FAM120A: variants seen among roughly 807,000 people sequenced by gnomAD.
The protein encoded by FAM120A is family with sequence similarity 120 member A.
In FAM120A, 15 loss-of-function variants were observed where a neutral mutation model predicts 109.7. The ratio of observed to expected loss-of-function variants is 0.14; its 90% confidence interval spans 0.09 to 0.21. The LOEUF (loss-of-function observed/expected upper bound fraction) is 0.21. Ranked by LOEUF, FAM120A falls within the 10% of genes least tolerant of loss-of-function variation. The pLI, the probability that FAM120A is intolerant of heterozygous loss-of-function variation, is 1.00. For missense variants in FAM120A, 899 were observed against 1,439.3 expected, an observed-to-expected ratio of 0.62 and a Z score of 6.07; for synonymous variants, 493 against 572.8, an observed-to-expected ratio of 0.86 and a Z score of 1.99.
chr9:93,543,218 G>A lies in FAM120A; in HGVS notation c.1910-4G>A, dbSNP rs973272691. 21 of 1,606,920 alleles carry A rather than the reference G, an allele frequency of 1.3e-5. No individual in the cohort carries two copies. Among genetic ancestry groups the A allele is most frequent in the Non-Finnish European group, 1.4e-5 (17 of 1,176,704 alleles). On this transcript the variant is annotated splice_region_variant and splice_polypyrimidine_tract_variant and intron_variant, in intron 10 of 17. Coordinates refer to ENST00000277165, the MANE Select transcript of FAM120A (RefSeq NM_014612.5). ...GTGTCTTCTCTGGCTTTTTTTTCCT[G>A]TAGTTTCACCAGTGATCATTAAAGA... is the stretch of plus-strand genomic sequence containing the variant.
chr9:93,551,077 T>C (rs1341401129), intron 12 of FAM120A, among the ~76,000 whole-genome samples: 3 of 152,212 alleles, frequency 2.0e-5, no homozygotes, highest in Non-Finnish European at 4.4e-5. Context: ...AGGATTCTTT[T>C]TCTTATTTCA....
At chr9:93,519,763 C>G (rs1009265314) in intron 7 of FAM120A, among the ~76,000 whole-genome samples, 15 of 152,044 alleles carry the variant, frequency 9.9e-5, no homozygotes, top group Admixed American at 4.6e-4. Context: ...ATCAGTGGCA[C>G]TCTTTTAAAG....
chr9:93,452,578 C>G lies in FAM120A; in HGVS notation c.474+189C>G, dbSNP rs773193469. On this transcript the variant is annotated intron_variant, in intron 1 of 17. Coordinates refer to ENST00000277165, the MANE Select transcript of FAM120A (RefSeq NM_014612.5). This position sits in a 1 kb window ranked among gnomAD's most constrained non-coding sequence, Gnocchi z 7.0. The stretch of plus-strand genomic sequence containing the variant: ...GCCGCGGGTGCAGGCCGCGCGCTGC[C>G]CAAGCCCGTCTCCAGCTGTCCCTGT... The G allele has an allele frequency of 5.5e-5, 88 of 1,595,632 alleles. No homozygotes were observed. The highest frequency in any genetic ancestry group is 7.0e-5 in the Non-Finnish European group (82 of 1,178,132).
chr9:93,477,057 A>G (rs1459311300), intron 3 of FAM120A, among the ~76,000 whole-genome samples: 2 of 152,156 alleles, frequency 1.3e-5, no homozygotes, highest in East Asian at 1.9e-4. Flanking sequence ...GACTTGGGGA[A>G]TTAGGAAGAT....
intron 13 of FAM120A, among the ~76,000 whole-genome samples, chr9:93,557,356 C>G (rs552906820): frequency 1.3e-5 from 2 of 152,248 alleles, no homozygotes; most frequent in African/African-American, 4.8e-5. Context: ...TCTTGAACTC[C>G]TGACCTCAAG....
At chr9:93,479,590 A>G (rs970731338) in intron 3 of FAM120A, among the ~76,000 whole-genome samples, 8 of 152,192 alleles carry the variant, frequency 5.3e-5, no homozygotes, top group Non-Finnish European at 1.2e-4. Context: ...AAATCATGAG[A>G]AAATTTCATC....
At chr9:93,485,584 T>C (rs1201272734) in intron 3 of FAM120A, among the ~76,000 whole-genome samples, 5 of 151,936 alleles carry the variant, frequency 3.3e-5, no homozygotes, top group Non-Finnish European at 1.5e-5. Flanking sequence ...TGCGACAGAG[T>C]AAGACCCTAT....
chr9:93,503,784 G>A (rs1401348678), intron 5 of FAM120A, among the ~76,000 whole-genome samples: 1 of 151,966 alleles, frequency 6.6e-6, no homozygotes, highest in Admixed American at 6.6e-5. Flanking sequence ...ACACCAATGC[G>A]AAGTGTGTAC....
intron 7 of FAM120A, among the ~76,000 whole-genome samples, chr9:93,525,398 T>C (rs112303866): frequency 3.3e-3 from 499 of 152,202 alleles, no homozygotes; most frequent in Non-Finnish European, 4.6e-3. Flanking sequence ...CCTCTTACCC[T>C]CCAAGAGCCC....
At chr9:93,535,043 G>T (rs1861464938) in intron 10 of FAM120A, among the ~76,000 whole-genome samples, 1 of 152,182 alleles carries the variant, frequency 6.6e-6, no homozygotes, top group African/African-American at 2.4e-5. Context: ...ATTTTAAAAG[G>T]ATTTCATAAA....
At chr9:93,460,146 G>A (rs1394706606) in intron 1 of FAM120A, among the ~76,000 whole-genome samples, 1 of 152,100 alleles carries the variant, frequency 6.6e-6, no homozygotes, top group Non-Finnish European at 1.5e-5. Flanking sequence ...ACCTTAATAA[G>A]CACTACACCA....
chr9:93,519,259 G>T (rs1433316641), intron 7 of FAM120A, among the ~76,000 whole-genome samples: 1 of 152,030 alleles, frequency 6.6e-6, no homozygotes, highest in African/African-American at 2.4e-5. Flanking sequence ...AAATTTTTTT[G>T]AGATGGAATT....
Position 93,564,540 on chromosome 9 carries a change from A to C in FAM120A, c.3357A>C (p.Ter1119TyrextTer5). ...LEAAVLNKEE* is the reference protein window; with the variant it reads ...LEAAVLNKEEY ...CAGCTGTCTTAAATAAAGAAGAGTA[A>C]ACTTATTTTTTATAGAGGGTGAAGG... is the stretch of plus-strand genomic sequence containing the variant. The change falls in exon 18 of 18, where the codon TAA (stop) becomes TAC (tyrosine). Residue 1119 changes from the stop codon to tyrosine (Y), a stop_lost. Coordinates refer to ENST00000277165, the MANE Select transcript of FAM120A (RefSeq NM_014612.5). 6.2e-7 allele frequency: 1 copy of C among 1,601,126 alleles called. No individual in the cohort carries two copies. Among genetic ancestry groups the C allele is most frequent in the Non-Finnish European group, 8.5e-7 (1 of 1,171,254 alleles).
chr9:93,520,992 T>C (rs760058554), intron 7 of FAM120A, among the ~76,000 whole-genome samples: 1 of 152,272 alleles, frequency 6.6e-6, no homozygotes, highest in African/African-American at 2.4e-5. Flanking sequence ...GTCTTTGTAC[T>C]GTACAGTTCT....
At chr9:93,521,802 T>C (rs1416454642) in intron 7 of FAM120A, among the ~76,000 whole-genome samples, 1 of 152,236 alleles carries the variant, frequency 6.6e-6, no homozygotes, top group Non-Finnish European at 1.5e-5. Flanking sequence ...AGAATTACAG[T>C]TGAGGCCGGG....
At chr9:93,493,321 A>G (rs928225018) in intron 3 of FAM120A, among the ~76,000 whole-genome samples, 27 of 152,214 alleles carry the variant, frequency 1.8e-4, no homozygotes, top group Admixed American at 6.5e-5. Flanking sequence ...TAGATCAGAA[A>G]TGGTCTCTGT....
chr9:93,469,423 C>T (rs931659072), intron 1 of FAM120A, among the ~76,000 whole-genome samples: 11 of 152,220 alleles, frequency 7.2e-5, no homozygotes, highest in Non-Finnish European at 1.5e-4. Context: ...CTTTCATTTT[C>T]GTGTCTCTTA....
At chr9:93,558,850 G>A (rs1340799110) in intron 15 of FAM120A, 132 bp downstream of exon 15, 9 of 1,024,566 alleles carry the variant, frequency 8.8e-6, no homozygotes, top group East Asian at 2.6e-5. Flanking sequence ...CTGGGTCCCC[G>A]CTCTGACCCT....
intron 1 of FAM120A, among the ~76,000 whole-genome samples, chr9:93,457,113 A>G (rs1290791837): frequency 2.6e-5 from 4 of 152,178 alleles, no homozygotes; most frequent in Non-Finnish European, 4.4e-5. Flanking sequence ...TATATGTACC[A>G]CATTTTGTTT....
Sources: gnomAD v4.1 joint callset for allele counts (sites outside exome capture counted in the v4.1 genomes callset) on GRCh38, gnomAD v4.1.1 for gene constraint, Gnocchi (gnomAD v3.1) non-coding constraint, MANE v1.5 for transcripts, NCBI Gene and HGNC (gene_info 2026-07-23, HGNC 2026-07-21) for gene names.